DCDC2C: variants seen among roughly 807,000 people sequenced by gnomAD.
The protein encoded by DCDC2C is doublecortin domain-containing protein 2C.
A neutral mutation model predicts 45.0 loss-of-function variants in DCDC2C; 44 were observed. The ratio of observed to expected loss-of-function variants is 0.98; its 90% CI spans 0.77 to 1.26. The LOEUF (loss-of-function observed/expected upper bound fraction) is 1.26, where lower values mean the gene tolerates loss of function less well. Ranked by LOEUF, DCDC2C falls within the 50% of genes most tolerant of loss-of-function variation. The pLI is 0.00. For missense variants in DCDC2C, 447 were observed against 468.9 expected (o/e 0.95, Z 0.43); for synonymous variants, 187 against 178.8 (o/e 1.05, Z -0.37).
intron 10 of DCDC2C, among the ~76,000 whole-genome samples, chr2:3,831,271 A>T (rs1671943955): frequency 6.6e-6 from 1 of 152,172 alleles, no homozygotes; most frequent in Non-Finnish European, 1.5e-5. Context: ...TTGCTCAATG[A>T]TGGGGTGTGT....
intron 10 of DCDC2C, among the ~76,000 whole-genome samples, chr2:3,797,931 C>A (rs1671007419): frequency 6.7e-6 from 1 of 149,898 alleles, no homozygotes; most frequent in Admixed American, 6.7e-5. Context: ...TCCTTGTTGA[C>A]TTTCTGTCTC....
chr2:3,765,272 T>A (rs1235573842), intron 6 of DCDC2C, among the ~76,000 whole-genome samples: 2 of 152,234 alleles, frequency 1.3e-5, no homozygotes, highest in East Asian at 1.9e-4. Flanking sequence ...ACTATTATGC[T>A]TGCTGAATTG....
intron 10 of DCDC2C, among the ~76,000 whole-genome samples, chr2:3,795,192 G>A (rs1205212334): frequency 9.9e-5 from 15 of 151,842 alleles, no homozygotes; most frequent in African/African-American, 1.7e-4. Flanking sequence ...TATGTCCTTC[G>A]CCCACTTTTT....
Position 3,703,912 on chromosome 2 carries a change from T to C in DCDC2C, c.161T>C (p.Val54Ala). 7.5e-7 allele frequency: 1 copy of C among 1,341,614 alleles called. No homozygotes were observed. The highest frequency in any genetic ancestry group is 9.6e-7 in the Non-Finnish European group (1 of 1,042,438). The allele number at this position is 1,341,614 out of a possible 1,614,324, so 83.1% of individuals were successfully genotyped here. A position where few individuals can be genotyped will look rare whatever the true frequency, so the allele number is the denominator to read the frequency against. The change falls in exon 1 of 11, where the codon GTG becomes GCG. Residue 54 changes from valine to alanine, a missense_variant. Transcript: ENST00000399143. The surrounding 1 kb of genome is among the most constrained non-coding windows in gnomAD (Gnocchi z 4.4). ...EALLEQLTEQ[V>A]DVPFGVRRLF... ...CTGCTGGAGCAGCTCACGGAGCAGG[T>C]GGACGTCCCGTTCGGCGTGCGCCGC...
At chr2:3,800,122 C>G (rs1005753085) in intron 10 of DCDC2C, among the ~76,000 whole-genome samples, 2 of 152,166 alleles carry the variant, frequency 1.3e-5, no homozygotes, top group Non-Finnish European at 2.9e-5. Context: ...GTGGGAGTGA[C>G]TCGATTTTCC....
chr2:3,816,066 G>C (rs1468218389), intron 10 of DCDC2C, among the ~76,000 whole-genome samples: 1 of 152,188 alleles, frequency 6.6e-6, no homozygotes, highest in Non-Finnish European at 1.5e-5. Flanking sequence ...GGGATTATGG[G>C]CGGCATGGGA....
In DCDC2C at chr2:3,728,279, T is replaced by C. The variant is rs149178883; in HGVS notation, c.416+1200T>C. ...CGCTTTTCCTGAAAATCTGTGACCA[T>C]TTCTTTAAAATACTTTAAGCTTCCA... On this transcript the variant is annotated intron_variant, in intron 3 of 10. Coordinates refer to ENST00000399143, the MANE Select transcript of DCDC2C (RefSeq NM_001287444.2). Among the ~76,000 whole-genome samples, 44 of 152,344 alleles carry C rather than the reference T, an allele frequency of 2.9e-4. No homozygotes were observed. The East Asian group carries it at 7.3e-3, about 25-fold the overall frequency.
chr2:3,826,696 C>T (rs1487982717), intron 10 of DCDC2C, among the ~76,000 whole-genome samples: 2 of 152,098 alleles, frequency 1.3e-5, no homozygotes, highest in African/African-American at 2.4e-5. Flanking sequence ...CCAACAGCTC[C>T]TTCCACAGCT....
At chr2:3,726,428 C>G (rs1320300981) in intron 2 of DCDC2C, among the ~76,000 whole-genome samples, 1 of 152,160 alleles carries the variant, frequency 6.6e-6, no homozygotes, top group Non-Finnish European at 1.5e-5. Context: ...TCTTTTCCCC[C>G]TTTGTGTCTT....
chr2:3,755,610 T>C (rs972571607), intron 6 of DCDC2C, among the ~76,000 whole-genome samples: 2 of 152,182 alleles, frequency 1.3e-5, no homozygotes, highest in Non-Finnish European at 2.9e-5. Context: ...TATGCATGTG[T>C]GTATGGATGC....
Position 3,708,569 on chromosome 2 carries a change from G to A in DCDC2C, c.308G>A (p.Arg103Gln), listed in dbSNP as rs979013639. Residue 103 changes from arginine (R) to glutamine (Q), a missense_variant, in exon 2 of 11, where the codon CGA (arginine) becomes CAA (glutamine). Physicochemically the swap from Arg to Gln is conservative, Grantham distance 43. Coordinates refer to ENST00000399143, the MANE Select transcript of DCDC2C (RefSeq NM_001287444.2). ...KELDYIHIVP[R>Q]KPAKIRKLKE... is the part of the protein sequence containing the mutation. ...TGCAGTTATATTCATATAGTTCCCC[G>A]AAAACCTGCAAAGATAAGGAAGTTG... 17 of 1,547,810 alleles carry A rather than the reference G, an allele frequency of 1.1e-5. No individual in the cohort carries two copies. In the East Asian group the frequency reaches 2.0e-4, roughly 18 times the overall value.
intron 6 of DCDC2C, among the ~76,000 whole-genome samples, chr2:3,758,833 C>T (rs1432239309): frequency 6.6e-6 from 1 of 152,180 alleles, no homozygotes; most frequent in African/African-American, 2.4e-5. Flanking sequence ...GGTTGTTGAG[C>T]ATTTTGGTTC....
At chr2:3,736,363 G>T (rs1669026195) in intron 3 of DCDC2C, among the ~76,000 whole-genome samples, 1 of 152,220 alleles carries the variant, frequency 6.6e-6, no homozygotes, top group Non-Finnish European at 1.5e-5. Flanking sequence ...CCCTGGTGAA[G>T]GTGGGTGACT....
At chr2:3,771,772 C>T (rs1670177766) in intron 8 of DCDC2C, among the ~76,000 whole-genome samples, 1 of 152,234 alleles carries the variant, frequency 6.6e-6, no homozygotes, top group Non-Finnish European at 1.5e-5. Flanking sequence ...GCGTGGCTGG[C>T]TGCCTGGCCC....
intron 4 of DCDC2C, among the ~76,000 whole-genome samples, chr2:3,749,685 T>C (rs1669481096): frequency 6.6e-6 from 1 of 152,216 alleles, no homozygotes; most frequent in South Asian, 2.1e-4. Flanking sequence ...AGGTGTCCTG[T>C]TGGCCCCATA....
chr2:3,712,093 A>G (rs1247435667), intron 2 of DCDC2C, among the ~76,000 whole-genome samples: 1 of 152,156 alleles, frequency 6.6e-6, no homozygotes, highest in Non-Finnish European at 1.5e-5. Context: ...TGGTGGAGCC[A>G]ACCCTGAATG....
chr2:3,748,357 A>ATGGGGG (rs1349331649), intron 4 of DCDC2C, among the ~76,000 whole-genome samples: 1,840 of 19,252 alleles, frequency 0.096, 24 homozygotes, highest in Non-Finnish European at 0.13. Context: ...TGAGCGAGAG[A>ATGGGGG]TGGGGGTGGG....
chr2:3,726,904 C>T (rs13394251), intron 2 of DCDC2C, 99 bp from the exon 3 acceptor site: 8 of 1,087,792 alleles, frequency 7.4e-6, no homozygotes, highest in African/African-American at 6.3e-5. Flanking sequence ...GGGTTCCCCC[C>T]CTTTCTTATG....
Position 3,847,313 on chromosome 2 carries a change from T to C in DCDC2C, c.*130T>C. On this transcript the variant is annotated 3_prime_UTR_variant, in exon 11 of 11. Transcript: ENST00000399143. ...ACTAAAGCCCCACACAGTGGTGTCTTCTCGAAAGCCAAAGACGAGGTTTCA... is the reference window on the plus strand; with the variant it reads ...ACTAAAGCCCCACACAGTGGTGTCTCCTCGAAAGCCAAAGACGAGGTTTCA... 3 of 542,428 alleles carry C rather than the reference T, an allele frequency of 5.5e-6. No individual in the cohort carries two copies. Among genetic ancestry groups the C allele is most frequent in the African/African-American group, 2.0e-5 (1 of 51,174 alleles). 33.6% of individuals were successfully genotyped at this position (542,428 alleles called of 1,614,324 possible). A position where few individuals can be genotyped will look rare whatever the true frequency, so the allele number is the denominator to read the frequency against.
Sources: allele counts gnomAD v4.1 joint callset (sites outside exome capture counted in the v4.1 genomes callset), GRCh38; gene constraint gnomAD v4.1.1; non-coding constraint Gnocchi (gnomAD v3.1); transcripts MANE v1.5; gene names NCBI Gene and HGNC (gene_info 2026-07-23, HGNC 2026-07-21).